Variants in KCNU1 observed in about 807,000 individuals in gnomAD.
The protein encoded by KCNU1 is potassium channel subfamily U member 1.
KCNU1 carries 93 observed loss-of-function variants against 126.8 expected under a neutral mutation model. The observed-to-expected ratio is 0.73, with a 90% CI of 0.62 to 0.87. The LOEUF (loss-of-function observed/expected upper bound fraction) is 0.87, where lower values mean the gene tolerates loss of function less well. Ranked by LOEUF, KCNU1 falls within the 40% of genes least tolerant of loss-of-function variation. KCNU1 has a pLI of 0.00. For synonymous variants in KCNU1, 523 were observed against 494.2 expected (o/e 1.06, Z -0.77); for missense variants, 1,330 against 1,367.1 (o/e 0.97, Z 0.43).
chr8:36,899,411 A>T (rs1321871550), intron 19 of KCNU1, among the ~76,000 whole-genome samples: 1 of 151,988 alleles, frequency 6.6e-6, no homozygotes, highest in Non-Finnish European at 1.5e-5. Flanking sequence ...CTCACAGCTG[A>T]TCTTGTTTAC....
At position 36,866,346 on chromosome 8, in the gene KCNU1, A is replaced by G. The variant is rs76075219; in HGVS notation, c.2009+1825A>G. Among the ~76,000 whole-genome samples the G allele has an allele frequency of 6.3e-3, 963 of 152,226 alleles. 11 individuals are homozygous for G. Among genetic ancestry groups the G allele is most frequent in the African/African-American group, 0.022 (919 of 41,536 alleles). On this transcript the variant is annotated intron_variant, in intron 19 of 26. Coordinates refer to ENST00000399881, the MANE Select transcript of KCNU1 (RefSeq NM_001031836.3). ...ATGGAAATTTTCCTGTACCCTCCCA[A>G]AGGTGGGGTTGGAGTCAAACATCTG...
chr8:36,909,259 G>T, intron 20 of KCNU1, 52 bp from the exon 21 acceptor site: 1 of 1,127,934 alleles, frequency 8.9e-7, no homozygotes, highest in Non-Finnish European at 1.4e-6. Context: ...TACTTGGAGG[G>T]ATTCTCATCT....
intron 23 of KCNU1, among the ~76,000 whole-genome samples, chr8:36,921,889 G>A (rs979071758): frequency 1.7e-4 from 26 of 152,096 alleles, no homozygotes; most frequent in Non-Finnish European, 2.4e-4. Context: ...TCCATGAATC[G>A]GCAACCTCAG....
chr8:36,915,540 T>G (rs1337585141), intron 22 of KCNU1, among the ~76,000 whole-genome samples: 1 of 152,238 alleles, frequency 6.6e-6, no homozygotes, highest in African/African-American at 2.4e-5. Context: ...TCGGATAATC[T>G]CATTTCCTTA....
chr8:36,789,217 G>A (rs183581246), intron 2 of KCNU1, among the ~76,000 whole-genome samples: 3 of 152,180 alleles, frequency 2.0e-5, no homozygotes, highest in Admixed American at 2.0e-4. Flanking sequence ...TTAACTCAGC[G>A]TGTTGGCCTG....
chr8:36,800,737 T>C (rs1022748567), intron 2 of KCNU1, among the ~76,000 whole-genome samples: 2 of 152,218 alleles, frequency 1.3e-5, no homozygotes, highest in African/African-American at 4.8e-5. Context: ...CCCGACTCAC[T>C]GAACAGTGTC....
At chr8:36,858,098 C>G (rs989499634) in intron 18 of KCNU1, among the ~76,000 whole-genome samples, 22 of 145,988 alleles carry the variant, frequency 1.5e-4, no homozygotes, top group Admixed American at 1.1e-3. Context: ...ACACCCAAAA[C>G]TAAAGGCTCT....
Position 36,933,019 on chromosome 8 carries a change from C to A in KCNU1, c.3031C>A (p.Pro1011Thr). ...AATAATTGATGAAGAGGAGCTCAAC[C>A]CAGAAAACAAAAGGGGAGTGTGCTA... ...YRIIDEEELN[P>T]ENKRFVITRP... The change falls in exon 26 of 27, where the codon CCA becomes ACA. Residue 1011 changes from proline (P) to threonine (T), a missense_variant. Physicochemically the swap from Pro to Thr is conservative, Grantham distance 38. Transcript: ENST00000399881. The A allele has an allele frequency of 1.3e-6, 2 of 1,553,450 alleles. No individual in the cohort carries two copies. The highest frequency in any genetic ancestry group is 1.7e-6 in the Non-Finnish European group (2 of 1,145,002).
intron 14 of KCNU1, among the ~76,000 whole-genome samples, chr8:36,838,421 T>G (rs1804831446): frequency 6.6e-6 from 1 of 152,210 alleles, no homozygotes; most frequent in South Asian, 2.1e-4. Context: ...CCAGGTGTGG[T>G]GGCTCACGCC....
At chr8:36,845,446 T>C (rs763442976) in intron 16 of KCNU1, 134 bp from the exon 17 acceptor site, 2 of 611,246 alleles carry the variant, frequency 3.3e-6, no homozygotes, top group Non-Finnish European at 5.8e-6. Flanking sequence ...TCCACTGTGT[T>C]TGGCAGTAAG....
chr8:36,902,442 G>A lies in KCNU1; in HGVS notation c.2010-3266G>A, dbSNP rs189799836. On this transcript the variant is annotated intron_variant, in intron 19 of 26. Transcript: ENST00000399881. ...TGGAGAGGGTGGAGAAGGAGGGGAA[G>A]TAGAGACAAGCTGAAGAAAGTGACC... is the stretch of plus-strand genomic sequence containing the variant. Among the ~76,000 whole-genome samples the A allele has an allele frequency of 2.0e-5, 3 of 152,152 alleles. No homozygotes were observed. In the East Asian group the frequency reaches 5.8e-4, roughly 30 times the overall value.
chr8:36,825,237 G>T (rs1349690372), intron 10 of KCNU1, among the ~76,000 whole-genome samples: 1 of 152,046 alleles, frequency 6.6e-6, no homozygotes, highest in Non-Finnish European at 1.5e-5. Flanking sequence ...CATTACTAGT[G>T]AGGCCAAGCA....
At chr8:36,820,553 C>T (rs1284412922) in intron 10 of KCNU1, among the ~76,000 whole-genome samples, 1 of 151,258 alleles carries the variant, frequency 6.6e-6, no homozygotes, top group East Asian at 1.9e-4. Flanking sequence ...AGAAGATTTC[C>T]CAAAAGAAAG....
At chr8:36,906,598 A>T (rs1279147608) in intron 20 of KCNU1, among the ~76,000 whole-genome samples, 2 of 151,992 alleles carry the variant, frequency 1.3e-5, no homozygotes. Flanking sequence ...CCCTATATAT[A>T]TTTTTTCATA....
intron 2 of KCNU1, among the ~76,000 whole-genome samples, chr8:36,787,855 A>G (rs1172401119): frequency 7.6e-6 from 1 of 132,348 alleles, no homozygotes; most frequent in African/African-American, 3.2e-5. Context: ...ATATATATTG[A>G]CTAATTATAT....
chr8:36,917,816 C>T (rs1189840774), intron 22 of KCNU1, among the ~76,000 whole-genome samples: 1 of 152,142 alleles, frequency 6.6e-6, no homozygotes, highest in Non-Finnish European at 1.5e-5. Flanking sequence ...TACTGCAGTG[C>T]CTTATCTCCG....
intron 19 of KCNU1, among the ~76,000 whole-genome samples, chr8:36,900,496 G>A (rs774270162): frequency 6.6e-6 from 1 of 152,092 alleles, no homozygotes; most frequent in Non-Finnish European, 1.5e-5. Context: ...GTGTATAGGT[G>A]TGGGAGGGGG....
intron 18 of KCNU1, among the ~76,000 whole-genome samples, chr8:36,862,559 C>T (rs1805770034): frequency 6.6e-6 from 1 of 152,126 alleles, no homozygotes; most frequent in Non-Finnish European, 1.5e-5. Flanking sequence ...CTGTTCTGTC[C>T]ACCCCACACA....
intron 4 of KCNU1, among the ~76,000 whole-genome samples, chr8:36,805,948 G>GT (rs1416268241): frequency 6.6e-6 from 1 of 152,078 alleles, no homozygotes; most frequent in East Asian, 1.9e-4. Flanking sequence ...GGTTCCAGTG[G>GT]TTCTCCTGCT....
Sources: allele counts gnomAD v4.1 joint callset (sites outside exome capture counted in the v4.1 genomes callset), GRCh38; gene constraint gnomAD v4.1.1; transcripts MANE v1.5; gene names NCBI Gene and HGNC (gene_info 2026-07-23, HGNC 2026-07-21).